INSL6: variants seen among roughly 807,000 people sequenced by gnomAD.
INSL6 encodes the protein insulin-like peptide INSL6.
Under a neutral mutation model 9.4 loss-of-function variants are expected in INSL6, and 16 were observed. The observed-to-expected ratio is 1.70, with a 90% CI of 1.15 to 2.59. The LOEUF is 2.59. INSL6 is among the 30% of genes most tolerant of loss of function. The pLI, the probability that INSL6 is intolerant of heterozygous loss-of-function variation, is 0.00. For missense variants in INSL6, 391 were observed against 257.3 expected, an observed-to-expected ratio of 1.52 and a Z score of -3.56; for synonymous variants, 154 against 96.9, an observed-to-expected ratio of 1.59 and a Z score of -3.46.
the INSL6 span, chr9:5,089,701 C>T: frequency 3.4e-6 from 5 of 1,462,974 alleles, no homozygotes; most frequent in East Asian, 2.6e-5. Flanking sequence ...GGAGATGTGC[C>T]GGTATGACCC....
chr9:5,154,731 TCAC>T (rs1321233082), intron 2 of INSL6, among the ~76,000 whole-genome samples: 1 of 152,156 alleles, frequency 6.6e-6, no homozygotes, highest in Admixed American at 6.5e-5. Context: ...AAAATGCTCA[TCAC>T]CACTGGCCAT....
At chr9:5,006,537 T>C in the INSL6 span, among the ~76,000 whole-genome samples, 1 of 152,328 alleles carries the variant, frequency 6.6e-6, no homozygotes, top group East Asian at 1.9e-4. Context: ...CATGGTTCCA[T>C]AGGCTGTACA....
the INSL6 span, chr9:5,077,577 T>C: frequency 6.8e-7 from 1 of 1,479,080 alleles, no homozygotes; most frequent in Non-Finnish European, 9.0e-7. Context: ...CCATGCATTT[T>C]CTAGTAAGTA....
chr9:5,016,992 T>G, the INSL6 span, among the ~76,000 whole-genome samples: 1 of 152,184 alleles, frequency 6.6e-6, no homozygotes, highest in Non-Finnish European at 1.5e-5. Flanking sequence ...TTGATCAAGA[T>G]AAAGAAGAAT....
chr9:5,123,022 GAC>G, downstream of INSL6: 2 of 1,610,576 alleles, frequency 1.2e-6, no homozygotes, highest in Non-Finnish European at 1.7e-6. Context: ...CAGAATCACT[GAC>G]AGAGAGCAAG....
At chr9:5,012,437 CATT>C in the INSL6 span, among the ~76,000 whole-genome samples, 2 of 152,072 alleles carry the variant, frequency 1.3e-5, no homozygotes, top group African/African-American at 2.4e-5. Flanking sequence ...ACTACTCTCT[CATT>C]ATCAAAAATC....
chr9:5,156,607 C>T (rs543846974), intron 2 of INSL6, among the ~76,000 whole-genome samples: 4 of 152,006 alleles, frequency 2.6e-5, no homozygotes, highest in Admixed American at 2.6e-4. Context: ...AATGTATCTA[C>T]AAAAATCCTA....
chr9:5,174,853 G>A (rs994687064), intron 1 of INSL6, among the ~76,000 whole-genome samples: 16 of 151,970 alleles, frequency 1.1e-4, no homozygotes, highest in Admixed American at 7.9e-4. Flanking sequence ...GTTCCACTTC[G>A]AGGCCTTTCC....
chr9:5,026,760 A>G, the INSL6 span, among the ~76,000 whole-genome samples: 4 of 152,170 alleles, frequency 2.6e-5, no homozygotes, highest in Non-Finnish European at 5.9e-5. Flanking sequence ...ATGCTTGAAA[A>G]TAGCTTGTAT....
At chr9:5,041,506 CAT>C in the INSL6 span, 2 of 570,628 alleles carry the variant, frequency 3.5e-6, no homozygotes, top group South Asian at 1.5e-5. Context: ...ATCGGGGACA[CAT>C]AGCGCGCCAC....
chr9:5,151,494 A>C (rs1023164382), intron 2 of INSL6, among the ~76,000 whole-genome samples: 1 of 152,082 alleles, frequency 6.6e-6, no homozygotes, highest in Non-Finnish European at 1.5e-5. Context: ...CAAACACCAG[A>C]AAAAAATGGA....
intron 2 of INSL6, among the ~76,000 whole-genome samples, chr9:5,150,956 T>A (rs1824701627): frequency 6.6e-6 from 1 of 152,072 alleles, no homozygotes; most frequent in Admixed American, 6.6e-5. Flanking sequence ...GAGGCTATTA[T>A]CTTATATAAA....
the INSL6 span, among the ~76,000 whole-genome samples, chr9:5,103,819 T>A: frequency 6.6e-6 from 1 of 151,964 alleles, no homozygotes; most frequent in African/African-American, 2.4e-5. Context: ...GAATGACTAC[T>A]GGGTAAATAA....
At chr9:5,066,491 G>C in the INSL6 span, among the ~76,000 whole-genome samples, 1 of 152,034 alleles carries the variant, frequency 6.6e-6, no homozygotes, top group African/African-American at 2.4e-5. Flanking sequence ...CCTTGAAGTG[G>C]TTTGAACTTA....
At chr9:5,148,952 C>T (rs1050554310) in intron 2 of INSL6, among the ~76,000 whole-genome samples, 1 of 152,186 alleles carries the variant, frequency 6.6e-6, no homozygotes, top group African/African-American at 2.4e-5. Flanking sequence ...AACAGACATG[C>T]TGCAGGCCCT....
chr9:5,009,959 G>A, the INSL6 span, among the ~76,000 whole-genome samples: 2 of 152,120 alleles, frequency 1.3e-5, no homozygotes, highest in Admixed American at 1.3e-4. Context: ...TTTTTGTAGA[G>A]ACAGGGTCTC....
At chr9:5,181,335 A>T (rs1313118120) in intron 1 of INSL6, among the ~76,000 whole-genome samples, 1 of 152,210 alleles carries the variant, frequency 6.6e-6, no homozygotes, top group Non-Finnish European at 1.5e-5. Context: ...AAGGCCAAAT[A>T]AATGACCAAT....
At chr9:5,016,524 A>AT in the INSL6 span, among the ~76,000 whole-genome samples, 1 of 152,164 alleles carries the variant, frequency 6.6e-6, no homozygotes, top group African/African-American at 2.4e-5. Context: ...TGAAAAATGA[A>AT]TTTTTTCCTG....
chr9:5,072,954 G>A, the INSL6 span, among the ~76,000 whole-genome samples: 1 of 149,214 alleles, frequency 6.7e-6, no homozygotes, highest in African/African-American at 2.5e-5. Context: ...ACATTTATTT[G>A]AAAAAAAAAC....
Sources: gnomAD v4.1 joint callset for allele counts (sites outside exome capture counted in the v4.1 genomes callset) on GRCh38, gnomAD v4.1.1 for gene constraint, MANE v1.5 for transcripts, NCBI Gene and HGNC (gene_info 2026-07-23, HGNC 2026-07-21) for gene names.